The following CTC1 variants were observed in gnomAD, a reference collection of about 807,000 sequenced individuals.
The protein encoded by CTC1 is CST telomere replication complex component 1, also known as CST complex subunit CTC1.
CTC1 carries 91 observed loss-of-function variants against 136.3 expected under a neutral mutation model. The observed-to-expected ratio is 0.67, with a 90% CI of 0.56 to 0.79. The LOEUF (loss-of-function observed/expected upper bound fraction) is 0.79. Among genes scored for constraint, CTC1 ranks in the 30% least tolerant of loss-of-function variants. The probability of loss-of-function intolerance (pLI) is 0.00; values close to 1 mark genes in which losing one functional copy is unlikely to be tolerated. For missense variants in CTC1, 1,432 were observed against 1,498.1 expected (o/e 0.96, Z 0.73); for synonymous variants, 606 against 613.8 (o/e 0.99, Z 0.19).
intron 15 of CTC1, 44 bp downstream of exon 15, chr17:8,231,232 G>A: frequency 6.2e-6 from 9 of 1,449,960 alleles, no homozygotes; most frequent in Non-Finnish European, 8.3e-6. Flanking sequence ...CTTGGGAGAA[G>A]AGAGAGTGGC....
intron 17 of CTC1, 130 bp from the exon 18 acceptor site, chr17:8,230,098 C>A: frequency 9.7e-7 from 1 of 1,032,756 alleles, no homozygotes. Context: ...ATGGCTCTAC[C>A]AAAGCTAGGG....
At position 8,234,658 on chromosome 17, in the gene CTC1, G is replaced by C. The variant is rs1206148149; in HGVS notation, c.1618-3C>G. 2 of 1,603,976 alleles carry C rather than the reference G, an allele frequency of 1.2e-6. No individual in the cohort carries two copies. Among genetic ancestry groups the C allele is most frequent in the Non-Finnish European group, 1.7e-6 (2 of 1,173,688 alleles). On this transcript the variant is annotated splice_polypyrimidine_tract_variant and splice_region_variant and intron_variant, in intron 9 of 22. Transcript: ENST00000651323. ...GAGGGAGTCTGCAGCCGAGTGTACT[G>C]TCAAGGAGGGAAGAGAAATCGGGTG...
Position 8,238,580 on chromosome 17 carries a change from T to A in CTC1, c.247A>T (p.Ser83Cys). 1 of 1,613,864 alleles carries A rather than the reference T, an allele frequency of 6.2e-7. No homozygotes were observed. The highest frequency in any genetic ancestry group is 1.1e-5 in the South Asian group (1 of 91,054). Reference protein sequence around the residue: ...LKTHQRLPCCSHLSWSSSAYQ... With the variant: ...LKTHQRLPCCCHLSWSSSAYQ... ...GCACTACTGCTCCACGACAGGTGGC[T>A]GCAGCATGGGAGACGCTGGTGAGTC... The change falls in exon 3 of 23, where the codon AGC becomes TGC. Residue 83 changes from serine (S) to cysteine (C), a missense_variant. Physicochemically the swap from Ser to Cys is moderately radical, Grantham distance 112 (BLOSUM62 -1). Transcript: ENST00000651323.
intron 2 of CTC1, among the ~76,000 whole-genome samples, chr17:8,242,538 A>AG (rs1988325942): frequency 2.9e-5 from 1 of 34,570 alleles, no homozygotes; most frequent in Non-Finnish European, 5.2e-5. Context: ...AGAGAGAAAA[A>AG]AAAAAAAAAA....
Position 8,225,679 on chromosome 17 carries a change from A to C in CTC1, c.*2501T>G, listed in dbSNP as rs1452243799. The C allele has an allele frequency of 6.6e-6, 1 of 152,220 alleles. No individual in the cohort carries two copies. The highest frequency in any genetic ancestry group is 1.5e-5 in the Non-Finnish European group (1 of 68,092). The allele number at this position is 152,220 out of a possible 1,614,324, so 9.4% of individuals were successfully genotyped here. A position where few individuals can be genotyped will look rare whatever the true frequency, so the allele number is the denominator to read the frequency against. ...ACCTGGTGCCAGGCCAGGCCAGGCC[A>C]GCCGGATCCCTGCTTACTCCTTACC... On this transcript the variant is annotated 3_prime_UTR_variant, in exon 23 of 23. Transcript: ENST00000651323.
intron 15 of CTC1, 34 bp downstream of exon 15, chr17:8,231,242 C>T: frequency 6.8e-7 from 1 of 1,473,726 alleles, no homozygotes; most frequent in Non-Finnish European, 9.1e-7. Flanking sequence ...GAGAGAGTGG[C>T]CAAATTAACC....
intron 11 of CTC1, 49 bp from the exon 12 acceptor site, chr17:8,232,524 T>A: frequency 6.6e-7 from 1 of 1,526,702 alleles, no homozygotes; most frequent in South Asian, 1.1e-5. Flanking sequence ...ACCTGTGGGG[T>A]GGGTTGCAAG....
At position 8,232,024 on chromosome 17, in the gene CTC1, T is replaced by C. The variant is rs759286473; in HGVS notation, c.2264A>G (p.Glu755Gly). 6.3e-7 allele frequency: 1 copy of C among 1,588,836 alleles called. No individual in the cohort carries two copies. The highest frequency in any genetic ancestry group is 1.1e-5 in the South Asian group (1 of 87,244). ...GAAACTGAGGGCGGGCTTGGGCACC[T>C]CTGGACTTGCTCCTGGGGGGACACA... ...NFCVPPGASP[E>G]VPKPALSFYV... Residue 755 changes from glutamate to glycine, a missense_variant, in exon 13 of 23, where the codon GAG becomes GGG. Glu to Gly is a moderately conservative substitution (Grantham distance 98, BLOSUM62 -2). Transcript: ENST00000651323.
intron 4 of CTC1, 31 bp downstream of exon 4, chr17:8,238,000 C>G: frequency 6.4e-7 from 1 of 1,557,050 alleles, no homozygotes; most frequent in Non-Finnish European, 8.8e-7. Flanking sequence ...AGTTTTACAG[C>G]GCCCCTGCCA....
chr17:8,237,380 CGAT>C lies in CTC1; in HGVS notation c.784_786del (p.Ile262del). On this transcript the variant is annotated inframe_deletion, in exon 5 of 23. Coordinates refer to ENST00000651323, the MANE Select transcript of CTC1 (RefSeq NM_025099.6). ...GAAATGACCCCAGTCCTCACCTGCA[CGAT>C]GATGGACACGTGGGTGACAGCTGGG... The C allele has an allele frequency of 6.2e-7, 1 of 1,614,046 alleles. No individual in the cohort carries two copies. The highest frequency in any genetic ancestry group is 8.5e-7 in the Non-Finnish European group (1 of 1,180,008).
At chr17:8,235,791 G>A (rs1987661059) in intron 7 of CTC1, 40 bp downstream of exon 7, 3 of 1,552,190 alleles carry the variant, frequency 1.9e-6, no homozygotes, top group African/African-American at 2.8e-5. Flanking sequence ...AAGAGAAGCT[G>A]CAGAGGTCTC....
At chr17:8,241,239 G>A (rs1198707655) in intron 2 of CTC1, among the ~76,000 whole-genome samples, 1 of 152,178 alleles carries the variant, frequency 6.6e-6, no homozygotes, top group Non-Finnish European at 1.5e-5. Flanking sequence ...AGTGAGCCGA[G>A]ATGATGCCAT....
Position 8,231,263 on chromosome 17 carries a change from G to C in CTC1, c.2669+13C>G, listed in dbSNP as rs938412412. The C allele has an allele frequency of 2.6e-6, 4 of 1,509,492 alleles. No individual in the cohort carries two copies. The highest frequency in any genetic ancestry group is 3.6e-6 in the Non-Finnish European group (4 of 1,121,134). The allele number at this position is 1,509,492 out of a possible 1,614,324, so 93.5% of individuals were successfully genotyped here. A position where few individuals can be genotyped will look rare whatever the true frequency, so the allele number is the denominator to read the frequency against. ...GTGGCCAAATTAACCAGAGGGGCTT[G>C]GTGGACATTTACTTGTCACTGAGCA... is the stretch of plus-strand genomic sequence containing the variant. On this transcript the variant is annotated intron_variant, in intron 15 of 22. Transcript: ENST00000651323.
chr17:8,231,000 G>A, intron 15 of CTC1: 3 of 494,904 alleles, frequency 6.1e-6, no homozygotes, highest in Non-Finnish European at 1.1e-5. Context: ...CTAGCTGGGT[G>A]TGGTGGCGTG....
At chr17:8,232,846 C>T in intron 11 of CTC1, 60 bp downstream of exon 11, 2 of 1,593,756 alleles carry the variant, frequency 1.3e-6, no homozygotes, top group Non-Finnish European at 8.6e-7. Flanking sequence ...CTCCCAGGCT[C>T]CCCTGGCTAT....
chr17:8,225,575 G>A lies in CTC1; in HGVS notation c.*2605C>T, dbSNP rs1381973428. 2 of 152,184 alleles carry A rather than the reference G, an allele frequency of 1.3e-5. No individual in the cohort carries two copies. The highest frequency in any genetic ancestry group is 6.6e-5 in the Admixed American group (1 of 15,250). 9.4% of individuals were successfully genotyped at this position (152,184 alleles called of 1,614,324 possible). On this transcript the variant is annotated 3_prime_UTR_variant, in exon 23 of 23. Transcript: ENST00000651323. ...AAAGTGCCCTGCCCTTCCACACCAG[G>A]ATCCCTAGCGACTCCCGAATGATGC...
At chr17:8,240,686 C>T (rs1028623070) in intron 2 of CTC1, among the ~76,000 whole-genome samples, 1 of 150,868 alleles carries the variant, frequency 6.6e-6, no homozygotes, top group African/African-American at 2.4e-5. Context: ...TTGAGACCAG[C>T]CTGGCCAACA....
At chr17:8,241,905 C>T (rs972614339) in intron 2 of CTC1, among the ~76,000 whole-genome samples, 4 of 150,454 alleles carry the variant, frequency 2.7e-5, no homozygotes, top group Admixed American at 1.3e-4. Flanking sequence ...GGTACGGTAC[C>T]ATTTATTTAA....
chr17:8,237,753 C>T (rs1339923455), intron 4 of CTC1, among the ~76,000 whole-genome samples: 1 of 148,238 alleles, frequency 6.7e-6, no homozygotes, highest in African/African-American at 2.5e-5. Flanking sequence ...AATGCTGTCC[C>T]TTCCACAGTA....
Sources: gnomAD v4.1 joint callset for allele counts (sites outside exome capture counted in the v4.1 genomes callset) on GRCh38, gnomAD v4.1.1 for gene constraint, MANE v1.5 for transcripts, NCBI Gene and HGNC (gene_info 2026-07-23, HGNC 2026-07-21) for gene names.